The following PAICS variants were observed in gnomAD, a reference collection of about 807,000 sequenced individuals.
PAICS encodes the protein bifunctional phosphoribosylaminoimidazole carboxylase/phosphoribosylaminoimidazole succinocarboxamide synthetase.
In PAICS, 33 loss-of-function variants were observed where a neutral mutation model predicts 53.7. That is an observed-to-expected ratio of 0.61 (90% confidence interval 0.47 to 0.82). The LOEUF (loss-of-function observed/expected upper bound fraction) is 0.82, where lower values mean the gene tolerates loss of function less well. Ranked by LOEUF, PAICS falls within the 40% of genes least tolerant of loss-of-function variation. The probability of loss-of-function intolerance (pLI) is 0.00; values close to 1 mark genes in which losing one functional copy is unlikely to be tolerated. For missense variants in PAICS, 394 were observed against 494.1 expected (o/e 0.80, Z 1.92); for synonymous variants, 141 against 167.2 (o/e 0.84, Z 1.21).
chr4:56,447,831 A>G (rs1718692329), intron 3 of PAICS, among the ~76,000 whole-genome samples: 1 of 152,070 alleles, frequency 6.6e-6, no homozygotes. Flanking sequence ...GAAAAAAAAG[A>G]GGAGTAATAA....
intron 8 of PAICS, among the ~76,000 whole-genome samples, chr4:56,455,992 A>G (rs1719174501): frequency 6.6e-6 from 1 of 152,100 alleles, no homozygotes; most frequent in Admixed American, 6.5e-5. Flanking sequence ...TTTGAATTTG[A>G]ATAAATTTGG....
At chr4:56,455,182 C>CA (rs1719127577) in intron 8 of PAICS, among the ~76,000 whole-genome samples, 1 of 152,056 alleles carries the variant, frequency 6.6e-6, no homozygotes, top group African/African-American at 2.4e-5. Context: ...AAGATAATAA[C>CA]ATAAGGAAGT....
intron 8 of PAICS, among the ~76,000 whole-genome samples, chr4:56,458,550 T>C (rs1719343056): frequency 1.3e-5 from 2 of 152,212 alleles, no homozygotes; most frequent in Non-Finnish European, 2.9e-5. Context: ...GTGAAGTAAC[T>C]TGACCAATAC....
At position 56,446,700 on chromosome 4, in the gene PAICS, A is replaced by C. The variant is rs1165923819; in HGVS notation, c.220A>C (p.Lys74Gln). The change falls in exon 3 of 9, where the codon AAA (lysine) becomes CAA (glutamine). Residue 74 changes from lysine (K) to glutamine (Q), a missense_variant. Physicochemically the swap from Lys to Gln is moderately conservative, Grantham distance 53. Transcript: ENST00000512576. ...CTTTGGTTATCAATATGTAGGTATTAAAACTGCCTTCACCAGAAAATGTGG... is the reference window on the plus strand; with the variant it reads ...CTTTGGTTATCAATATGTAGGTATTCAAACTGCCTTCACCAGAAAATGTGG... ...IFQLLQEAGI[K>Q]TAFTRKCGET... 1.3e-6 allele frequency: 2 copies of C among 1,589,096 alleles called. No homozygotes were observed. The highest frequency in any genetic ancestry group is 2.7e-5 in the African/African-American group (2 of 74,480).
At chr4:56,450,723 CTGTA>C (rs1718864993) in intron 6 of PAICS, 21 bp downstream of exon 6, 1 of 1,118,602 alleles carries the variant, frequency 8.9e-7, no homozygotes, top group African/African-American at 1.5e-5. Context: ...TATAGTAAAA[CTGTA>C]TGTATTATGT....
At chr4:56,435,074 C>G (rs576896548), upstream of PAICS, among the ~76,000 whole-genome samples, 2 of 152,280 alleles carry the variant, frequency 1.3e-5, no homozygotes, top group East Asian at 3.9e-4. Context: ...AGCTGGCCAG[C>G]CTCTGGATGG....
Position 56,464,421 on chromosome 4 carries a change from T to C in PAICS, c.*4883T>C, listed in dbSNP as rs1282351869. 6 of 152,178 alleles carry C rather than the reference T, an allele frequency of 3.9e-5. No homozygotes were observed. The highest frequency in any genetic ancestry group is 3.3e-4 in the Admixed American group (5 of 15,280). 9.4% of individuals were successfully genotyped at this position (152,178 alleles called of 1,614,324 possible). On this transcript the variant is annotated 3_prime_UTR_variant, in exon 9 of 9. Transcript: ENST00000512576. ...AAGGACTCTGATCTCTAGAAAACAA[T>C]TGTATACTGTGAATGAAAAAGACTA... is the stretch of plus-strand genomic sequence containing the variant.
the PAICS span, among the ~76,000 whole-genome samples, chr4:56,417,578 C>T: frequency 6.6e-6 from 1 of 151,990 alleles, no homozygotes. Context: ...ACCAGGAGTT[C>T]GAGACTAGCC....
chr4:56,448,935 T>G (rs920754153), intron 5 of PAICS, 112 bp downstream of exon 5: 1 of 634,166 alleles, frequency 1.6e-6, no homozygotes, highest in African/African-American at 1.8e-5. Flanking sequence ...TGAACCTGTT[T>G]TGTGGATTGC....
At chr4:56,438,371 TTATATATATATATATATA>T (rs61681463) in intron 1 of PAICS, among the ~76,000 whole-genome samples, 25,185 of 113,722 alleles carry the variant, frequency 0.22, 2,996 homozygotes, top group Admixed American at 0.41. Context: ...TGCAATGTGT[TTATATATATATATATATA>T]TATATATATA....
chr4:56,432,663 T>C (rs916275927), upstream of PAICS, among the ~76,000 whole-genome samples: 2 of 151,476 alleles, frequency 1.3e-5, no homozygotes, highest in African/African-American at 4.9e-5. Context: ...GGGGCGCCTG[T>C]AGTCCCAGCT....
At chr4:56,436,455 C>G (rs1717968445) in intron 1 of PAICS, 127 bp downstream of exon 1, 2 of 830,134 alleles carry the variant, frequency 2.4e-6, no homozygotes, top group African/African-American at 3.4e-5. Flanking sequence ...GCCGCGCGGG[C>G]GCACACGTGG....
intron 1 of PAICS, among the ~76,000 whole-genome samples, chr4:56,438,620 G>T (rs2110080139): frequency 6.6e-6 from 1 of 151,514 alleles, no homozygotes; most frequent in East Asian, 1.9e-4. Flanking sequence ...GTATTTTTTA[G>T]TAGAGTCAGG....
Position 56,441,765 on chromosome 4 carries a change from C to A in PAICS, c.119C>A (p.Thr40Lys). 2 of 1,604,976 alleles carry A rather than the reference C, an allele frequency of 1.2e-6. No homozygotes were observed. The highest frequency in any genetic ancestry group is 1.1e-5 in the South Asian group (1 of 89,324). Residue 40 changes from threonine (T) to lysine (K), a missense_variant, in exon 2 of 9, where the codon ACA (threonine) becomes AAA (lysine). Thr to Lys is a moderately conservative substitution (Grantham distance 78). Around this residue, in one of 3 missense-constraint regions of PAICS, gnomAD observed 168 missense variants for 199.3 expected, o/e 0.84. Transcript: ENST00000512576. ...CTCCTGCAGTCCAAGGACCAGATTA[C>A]AGCAGGAAATGCAGCTAGAAAAAAC... ...KVLLQSKDQI[T>K]AGNAARKNHL...
intron 1 of PAICS, chr4:56,436,583 A>C (rs1717985349): frequency 1.4e-6 from 1 of 697,834 alleles, no homozygotes; most frequent in Non-Finnish European, 2.6e-6. Flanking sequence ...TATTATTTAT[A>C]ATCAATAGCT....
chr4:56,435,696 C>T (rs1293213980), upstream of PAICS: 1 of 1,457,326 alleles, frequency 6.9e-7, no homozygotes, highest in Non-Finnish European at 9.1e-7. Flanking sequence ...CGAGCGAGGG[C>T]GGAGGGGCGG....
chr4:56,425,467 A>T, the PAICS span: 3 of 712,256 alleles, frequency 4.2e-6, no homozygotes, highest in Non-Finnish European at 5.2e-6. Flanking sequence ...GTATGCTGCT[A>T]ATCTTAAATA....
chr4:56,436,187 A>G, upstream of PAICS: 1 of 1,511,336 alleles, frequency 6.6e-7, no homozygotes, highest in East Asian at 2.5e-5. Flanking sequence ...GGAGCTCGAA[A>G]AGAGTGGCGC....
At chr4:56,456,501 C>T (rs576319463) in intron 8 of PAICS, among the ~76,000 whole-genome samples, 33 of 152,210 alleles carry the variant, frequency 2.2e-4, no homozygotes, top group African/African-American at 5.8e-4. Flanking sequence ...TTGAACTCCC[C>T]GGGCTCATGT....
Sources: allele counts gnomAD v4.1 joint callset (sites outside exome capture counted in the v4.1 genomes callset), GRCh38; gene constraint gnomAD v4.1.1; regional missense constraint gnomAD v4.1.1; transcripts MANE v1.5; gene names NCBI Gene and HGNC (gene_info 2026-07-23, HGNC 2026-07-21).